The following KCNQ1 variants were observed in gnomAD, a reference collection of about 807,000 sequenced individuals.
The protein encoded by KCNQ1 is potassium voltage-gated channel subfamily Q member 1.
A neutral mutation model predicts 72.4 loss-of-function variants in KCNQ1; 49 were observed. That is an observed-to-expected ratio of 0.68 (90% CI 0.54 to 0.86). KCNQ1 has a LOEUF of 0.86. Ranked by LOEUF, KCNQ1 falls within the 40% of genes least tolerant of loss-of-function variation. KCNQ1 has a pLI of 0.00. For missense variants in KCNQ1, 790 were observed against 945.1 expected, an observed-to-expected ratio of 0.84 and a Z score of 2.15; for synonymous variants, 450 against 412.6, an observed-to-expected ratio of 1.09 and a Z score of -1.10.
At chr11:2,572,738 C>T (rs983701673) in intron 5 of KCNQ1, 108 bp from the exon 6 acceptor site, 11 of 1,425,694 alleles carry the variant, frequency 7.7e-6, no homozygotes, top group East Asian at 2.4e-5. Context: ...CGCGCTGGAG[C>T]GGCGTAGGAC....
chr11:2,675,087 T>C, intron 11 of KCNQ1: 2 of 398,674 alleles, frequency 5.0e-6, no homozygotes, highest in Non-Finnish European at 8.8e-6. Context: ...AGTGTGGGCA[T>C]GTCCTGAGTG....
chr11:2,761,763 G>C (rs1365057558), intron 11 of KCNQ1, among the ~76,000 whole-genome samples: 1 of 152,258 alleles, frequency 6.6e-6, no homozygotes, highest in Non-Finnish European at 1.5e-5. Flanking sequence ...AGCAGTGGCT[G>C]ACCCACAGCA....
chr11:2,483,221 G>A lies in KCNQ1; in HGVS notation c.386+37737G>A, dbSNP rs141147168. ...GCTGGAGATAGGACGGGAGGGCCAC[G>A]AGGGTTAAGATCCTGAGAGCAATGC... On this transcript the variant is annotated intron_variant, in intron 1 of 15. Transcript: ENST00000155840. The surrounding 1 kb of genome is among the most constrained non-coding windows in gnomAD (Gnocchi z 6.1). Among the ~76,000 whole-genome samples the A allele has an allele frequency of 6.8e-4, 104 of 152,294 alleles. 1 individual carries two copies. In the South Asian group the frequency reaches 8.9e-3, roughly 13 times the overall value.
intron 1 of KCNQ1, among the ~76,000 whole-genome samples, chr11:2,521,984 C>T (rs1368062527): frequency 1.3e-5 from 2 of 152,272 alleles, no homozygotes; most frequent in Non-Finnish European, 2.9e-5. Flanking sequence ...CGGGGGAGCC[C>T]TCCCACAGCG....
intron 11 of KCNQ1, among the ~76,000 whole-genome samples, chr11:2,742,770 G>A (rs539500325): frequency 5.4e-4 from 83 of 152,312 alleles, no homozygotes; most frequent in African/African-American, 1.5e-3. Context: ...GCGGGGGCCC[G>A]CTGTGGCCTC....
At chr11:2,675,534 CA>C (rs1278371656) in intron 11 of KCNQ1, 35 of 398,662 alleles carry the variant, frequency 8.8e-5, no homozygotes, top group African/African-American at 6.8e-4. Flanking sequence ...CTTCCAGAAT[CA>C]CTCCACTGGA....
At position 2,623,143 on chromosome 11, in the gene KCNQ1, C is replaced by T. The variant is rs1269142162; in HGVS notation, c.1393+34289C>T. On this transcript the variant is annotated intron_variant, in intron 10 of 15. Transcript: ENST00000155840. This position sits in a 1 kb window ranked among gnomAD's most constrained non-coding sequence, Gnocchi z 5.2. ...TTCCCATCTCACTTTCTTTCCCTCT[C>T]CTGTTCTGCCATGGTAAAGATGTGC... 1.3e-5 allele frequency: 5 copies of T among 398,672 alleles called. No individual in the cohort carries two copies. The allele number at this position is 398,672 out of a possible 1,614,324, so 24.7% of individuals were successfully genotyped here. A position where few individuals can be genotyped will look rare whatever the true frequency, so the allele number is the denominator to read the frequency against.
At chr11:2,702,682 CTTGGA>C (rs1030782457) in intron 11 of KCNQ1, among the ~76,000 whole-genome samples, 1 of 152,162 alleles carries the variant, frequency 6.6e-6, no homozygotes, top group African/African-American at 2.4e-5. Flanking sequence ...CTCCTGGGCA[CTTGGA>C]TTTTTCCCTG....
chr11:2,479,487 T>C lies in KCNQ1; in HGVS notation c.386+34003T>C, dbSNP rs1846622070. 6.6e-6 allele frequency among the ~76,000 whole-genome samples: 1 copy of C among 152,244 alleles called. No homozygotes were observed. The highest frequency in any genetic ancestry group is 1.5e-5 in the Non-Finnish European group (1 of 68,044). ...ATGGAAGCTACCAAGAGTTGGGGCT[T>C]GCACCCTCTGAAGCCACAGCCCAAG... On this transcript the variant is annotated intron_variant, in intron 1 of 15. Transcript: ENST00000155840. The surrounding 1 kb of genome is among the most constrained non-coding windows in gnomAD (Gnocchi z 4.6).
intron 1 of KCNQ1, among the ~76,000 whole-genome samples, chr11:2,454,564 G>A (rs997825880): frequency 3.3e-5 from 5 of 152,196 alleles, no homozygotes; most frequent in Admixed American, 3.3e-4. Flanking sequence ...TATTCTAAGA[G>A]TGCTGCATGG....
chr11:2,618,315 A>G (rs1052699475), intron 10 of KCNQ1: 1 of 398,500 alleles, frequency 2.5e-6, no homozygotes, highest in Non-Finnish European at 4.4e-6. Context: ...GGCTAAAAAA[A>G]TGCAAAAAAA....
rs768506433 is a variant in KCNQ1 at position 2,572,953 on chromosome 11, C to T, written c.888C>T (p.Phe296=). 33 of 1,613,648 alleles carry T rather than the reference C, an allele frequency of 2.0e-5. No individual in the cohort carries two copies. The highest frequency in any genetic ancestry group is 1.6e-4 in the Middle Eastern group (1 of 6,084). Residue 296 remains phenylalanine (F), a synonymous_variant, in exon 6 of 16, where the codon TTC becomes TTT. Coordinates refer to ENST00000155840, the MANE Select transcript of KCNQ1 (RefSeq NM_000218.3). ...DAVNESGRVE[F]GSYADALWWG... ...TGAACGAGTCAGGCCGCGTGGAGTTCGGCAGCTACGCAGATGCGCTGTGGT... is the reference window on the plus strand; with the variant it reads ...TGAACGAGTCAGGCCGCGTGGAGTTTGGCAGCTACGCAGATGCGCTGTGGT...
intron 15 of KCNQ1, among the ~76,000 whole-genome samples, chr11:2,801,488 T>C (rs1847262862): frequency 6.6e-6 from 1 of 152,222 alleles, no homozygotes; most frequent in Non-Finnish European, 1.5e-5. Context: ...GAGGGCCCTC[T>C]TCCTGGCTCA....
intron 11 of KCNQ1, among the ~76,000 whole-genome samples, chr11:2,718,106 GC>G (rs1280677343): frequency 1.3e-5 from 2 of 152,190 alleles, no homozygotes; most frequent in African/African-American, 4.8e-5. Flanking sequence ...ACACCCGCGT[GC>G]CCCGTCCTGG....
chr11:2,475,825 C>A lies in KCNQ1; in HGVS notation c.386+30341C>A, dbSNP rs1036901517. Among the ~76,000 whole-genome samples the A allele has an allele frequency of 6.6e-6, 1 of 152,208 alleles. No homozygotes were observed. Among genetic ancestry groups the A allele is most frequent in the Non-Finnish European group, 1.5e-5 (1 of 68,044 alleles). On this transcript the variant is annotated intron_variant, in intron 1 of 15. Transcript: ENST00000155840. This position sits in a 1 kb window ranked among gnomAD's most constrained non-coding sequence, Gnocchi z 5.8. ...AGAGGCATTCCGCTACACAAGCTCT[C>A]TCATGTTTTGCCTGCCACCATCCAC...
chr11:2,626,714 A>G lies in KCNQ1; in HGVS notation c.1394-35247A>G. On this transcript the variant is annotated intron_variant, in intron 10 of 15. Transcript: ENST00000155840. The surrounding 1 kb of genome is among the most constrained non-coding windows in gnomAD (Gnocchi z 4.0). Reference sequence around the variant, plus strand: ...TGGCCAATTATTTTATTTTTTGTAGAGATGAGGTCTCCCTGTGTTCCCCAG... The same window carrying G: ...TGGCCAATTATTTTATTTTTTGTAGGGATGAGGTCTCCCTGTGTTCCCCAG... 2.5e-6 allele frequency: 1 copy of G among 398,386 alleles called. No homozygotes were observed. The highest frequency in any genetic ancestry group is 4.4e-6 in the Non-Finnish European group (1 of 226,042). The allele number at this position is 398,386 out of a possible 1,614,324, so 24.7% of individuals were successfully genotyped here. A position where few individuals can be genotyped will look rare whatever the true frequency, so the allele number is the denominator to read the frequency against.
In KCNQ1 at chr11:2,561,126, CCA is replaced by C. The variant is rs1213732059; in HGVS notation, c.478-9501_478-9500del. 8.6e-5 allele frequency among the ~76,000 whole-genome samples: 13 copies of C among 150,912 alleles called. No homozygotes were observed. The East Asian group carries it at 2.5e-3, about 30-fold the overall frequency. On this transcript the variant is annotated intron_variant, in intron 2 of 15. Coordinates refer to ENST00000155840, the MANE Select transcript of KCNQ1 (RefSeq NM_000218.3). ...CTGAGGCAGTAGAATGGTGTGAACC[CCA>C]GGGGGTGGAGCCTGCAGTGAGCCGA...
At chr11:2,728,174 C>A (rs1164841107) in intron 11 of KCNQ1, among the ~76,000 whole-genome samples, 3 of 152,142 alleles carry the variant, frequency 2.0e-5, no homozygotes, top group Non-Finnish European at 4.4e-5. Flanking sequence ...CTCACACAGG[C>A]CTCACCTCTT....
At chr11:2,761,116 G>T (rs1404328562) in intron 11 of KCNQ1, among the ~76,000 whole-genome samples, 2 of 152,228 alleles carry the variant, frequency 1.3e-5, no homozygotes, top group Admixed American at 6.5e-5. Flanking sequence ...TTATTGAGTG[G>T]AGGTAGCTCT....
Sources: allele counts gnomAD v4.1 joint callset (sites outside exome capture counted in the v4.1 genomes callset), GRCh38; gene constraint gnomAD v4.1.1; non-coding constraint Gnocchi (gnomAD v3.1); transcripts MANE v1.5; gene names NCBI Gene and HGNC (gene_info 2026-07-23, HGNC 2026-07-21).